The following ACAA2 variants were observed in gnomAD, a reference collection of about 807,000 sequenced individuals.
The protein encoded by ACAA2 is acetyl-CoA acyltransferase 2, also known as 3-ketoacyl-CoA thiolase, mitochondrial.
In ACAA2, 35 loss-of-function variants were observed where a neutral mutation model predicts 44.8. The ratio of observed to expected loss-of-function variants is 0.78; its 90% CI spans 0.60 to 1.04. The LOEUF (loss-of-function observed/expected upper bound fraction) is 1.04. ACAA2 is among the 50% of genes least tolerant of loss of function. The pLI, the probability that ACAA2 is intolerant of heterozygous loss-of-function variation, is 0.00. For synonymous variants in ACAA2, 142 were observed against 166.5 expected (o/e 0.85, Z 1.13); for missense variants, 468 against 482.6 (o/e 0.97, Z 0.28).
chr18:49,788,281 A>G (rs778155079), intron 7 of ACAA2, among the ~76,000 whole-genome samples: 39 of 152,234 alleles, frequency 2.6e-4, no homozygotes, highest in Non-Finnish European at 4.8e-4. Context: ...AAAAATATGT[A>G]GTATGTTCTG....
At position 49,783,882 on chromosome 18, in the gene ACAA2, G is replaced by T. The variant is rs1568583409; in HGVS notation, c.1159C>A (p.Gln387Lys). ...AVGSACIGGG[Q>K]GIAVIIQSTA ...CTCTGAATGATGACAGCAATACCTT[G>T]GCCACCTCCAATGCAAGCTGATCCA... Residue 387 changes from glutamine to lysine, a missense_variant, in exon 10 of 10, where the codon CAA becomes AAA. Coordinates refer to ENST00000285093, the MANE Select transcript of ACAA2 (RefSeq NM_006111.3). 1 of 1,613,914 alleles carries T rather than the reference G, an allele frequency of 6.2e-7. No homozygotes were observed. The highest frequency in any genetic ancestry group is 8.5e-7 in the Non-Finnish European group (1 of 1,179,958).
At chr18:49,804,542 A>G (rs553385374) in intron 1 of ACAA2, among the ~76,000 whole-genome samples, 13 of 152,326 alleles carry the variant, frequency 8.5e-5, no homozygotes, top group African/African-American at 2.4e-4. Context: ...TTCTTTCAAT[A>G]GTTTTTTATT....
At chr18:49,796,704 G>A (rs1166701641) in intron 3 of ACAA2, among the ~76,000 whole-genome samples, 1 of 151,760 alleles carries the variant, frequency 6.6e-6, no homozygotes, top group Non-Finnish European at 1.5e-5. Flanking sequence ...CTAAATTCTT[G>A]AGATTTCCTG....
chr18:49,800,108 C>A (rs576761600), intron 2 of ACAA2, among the ~76,000 whole-genome samples: 2 of 148,296 alleles, frequency 1.3e-5, no homozygotes, highest in African/African-American at 2.5e-5. Flanking sequence ...ACCAGGCCAG[C>A]CGCCCCGTCC....
intron 1 of ACAA2, among the ~76,000 whole-genome samples, chr18:49,804,661 T>C (rs1412721151): frequency 6.6e-6 from 1 of 152,248 alleles, no homozygotes; most frequent in Admixed American, 6.5e-5. Flanking sequence ...ATGCATTTTA[T>C]CTAATCACAA....
chr18:49,812,892 G>A (rs1203366650), intron 1 of ACAA2: 1 of 152,256 alleles, frequency 6.6e-6, no homozygotes, highest in East Asian at 1.9e-4. Context: ...TTTTGAAAAG[G>A]GAGTTTATTA....
At chr18:49,805,751 C>CT (rs1333333517) in intron 1 of ACAA2, among the ~76,000 whole-genome samples, 2 of 151,434 alleles carry the variant, frequency 1.3e-5, no homozygotes, top group African/African-American at 4.8e-5. Flanking sequence ...TAATTTTTAC[C>CT]TTTTTTTCTT....
chr18:49,790,443 G>T (rs2023385188), intron 7 of ACAA2, among the ~76,000 whole-genome samples: 1 of 152,170 alleles, frequency 6.6e-6, no homozygotes, highest in Non-Finnish European at 1.5e-5. Flanking sequence ...TGGCAGGTCA[G>T]TAACAGGTTA....
At chr18:49,797,265 C>CTTTTTTTTTTTTTTT (rs11392686) in intron 3 of ACAA2, among the ~76,000 whole-genome samples, 1 of 143,798 alleles carries the variant, frequency 7.0e-6, no homozygotes, top group African/African-American at 2.6e-5. Context: ...TCATTATTAG[C>CTTTTTTTTTTTTTTT]TTTTTTTTTT....
chr18:49,798,633 G>C (rs1232317703), intron 2 of ACAA2, among the ~76,000 whole-genome samples: 1 of 152,142 alleles, frequency 6.6e-6, no homozygotes, highest in Non-Finnish European at 1.5e-5. Context: ...TTTTGTGTAG[G>C]TTTCAAGTTT....
At chr18:49,795,153 A>G (rs1193773607) in intron 4 of ACAA2, among the ~76,000 whole-genome samples, 1 of 152,198 alleles carries the variant, frequency 6.6e-6, no homozygotes, top group African/African-American at 2.4e-5. Flanking sequence ...TGAGTCAAAC[A>G]TTACTATAGA....
At position 49,783,800 on chromosome 18, in the gene ACAA2, C is replaced by T. The variant is rs753170960; in HGVS notation, c.*47G>A. ...TGAAGGTCACTTGTTTTACTGTGGCCTGGCCAAGTAGAGTAAGGATGGGTC... is the reference window on the plus strand; with the variant it reads ...TGAAGGTCACTTGTTTTACTGTGGCTTGGCCAAGTAGAGTAAGGATGGGTC... On this transcript the variant is annotated 3_prime_UTR_variant, in exon 10 of 10. Transcript: ENST00000285093. 1.3e-6 allele frequency: 2 copies of T among 1,541,682 alleles called. No homozygotes were observed. The highest frequency in any genetic ancestry group is 1.8e-6 in the Non-Finnish European group (2 of 1,117,770).
At position 49,797,605 on chromosome 18, in the gene ACAA2, GAAGGAA is replaced by G; in HGVS notation, c.184-17_184-12del. The G allele has an allele frequency of 8.3e-6, 13 of 1,574,306 alleles. No individual in the cohort carries two copies. Among genetic ancestry groups the G allele is most frequent in the Non-Finnish European group, 5.1e-6 (6 of 1,165,948 alleles). On this transcript the variant is annotated splice_polypyrimidine_tract_variant and intron_variant, in intron 2 of 9. Coordinates refer to ENST00000285093, the MANE Select transcript of ACAA2 (RefSeq NM_006111.3). ...AGCATCTGAAGAACTCTAGAAGAGA[GAAGGAA>G]AAGAAAAATAATTTTCTCTATAAAT...
chr18:49,791,412 C>T (rs1425170661), intron 7 of ACAA2, 58 bp downstream of exon 7: 2 of 1,558,730 alleles, frequency 1.3e-6, no homozygotes, highest in East Asian at 2.3e-5. Flanking sequence ...CTCTGAATGC[C>T]AAAGAAGACT....
At chr18:49,805,392 G>GT (rs1170975646) in intron 1 of ACAA2, among the ~76,000 whole-genome samples, 1 of 152,154 alleles carries the variant, frequency 6.6e-6, no homozygotes, top group Non-Finnish European at 1.5e-5. Flanking sequence ...GATCCACTCA[G>GT]TTTTTTACAG....
intron 1 of ACAA2, among the ~76,000 whole-genome samples, chr18:49,805,344 AAT>A (rs1378900814): frequency 1.3e-5 from 2 of 152,218 alleles, no homozygotes; most frequent in Non-Finnish European, 2.9e-5. Context: ...AGTTTAAAGG[AAT>A]ATTAGGAGCA....
intron 2 of ACAA2, among the ~76,000 whole-genome samples, chr18:49,801,876 T>A (rs1032651809): frequency 6.6e-6 from 1 of 150,638 alleles, no homozygotes; most frequent in African/African-American, 2.4e-5. Context: ...ATAGCACCTA[T>A]AATAGCCTCT....
At chr18:49,793,581 A>T (rs1250820442) in intron 5 of ACAA2, among the ~76,000 whole-genome samples, 2 of 152,250 alleles carry the variant, frequency 1.3e-5, no homozygotes, top group Non-Finnish European at 2.9e-5. Context: ...TCCTTCTGAA[A>T]TGCTAAGATG....
chr18:49,794,305 C>T lies in ACAA2; in HGVS notation c.552G>A (p.Leu184=). Residue 184 remains leucine, a synonymous_variant, in exon 5 of 10, where the codon CTG becomes CTA. Transcript: ENST00000285093. The part of the protein sequence containing the change: ...ISREECDKYA[L]QSQQRWKAAN... ...CAGCTTTCCATCTCTGCTGTGACTG[C>T]AGGGCATATTTGTCACATTCTTCTC... 1 of 1,607,788 alleles carries T rather than the reference C, an allele frequency of 6.2e-7. No homozygotes were observed.
Sources: gnomAD v4.1 joint callset for allele counts (sites outside exome capture counted in the v4.1 genomes callset) on GRCh38, gnomAD v4.1.1 for gene constraint, MANE v1.5 for transcripts, NCBI Gene and HGNC (gene_info 2026-07-23, HGNC 2026-07-21) for gene names.